The following SUSD1 variants were observed in gnomAD, a reference collection of about 807,000 sequenced individuals.
The protein encoded by SUSD1 is sushi domain-containing protein 1.
In SUSD1, 65 loss-of-function variants were observed where a neutral mutation model predicts 86.9. The ratio of observed to expected loss-of-function variants is 0.75; its 90% confidence interval spans 0.61 to 0.92. The LOEUF (loss-of-function observed/expected upper bound fraction) is 0.92, where lower values mean the gene tolerates loss of function less well. SUSD1 is among the 40% of genes least tolerant of loss of function. The pLI, the probability that SUSD1 is intolerant of heterozygous loss-of-function variation, is 0.00. For missense variants in SUSD1, 850 were observed against 929.7 expected, an observed-to-expected ratio of 0.91 and a Z score of 1.11; for synonymous variants, 346 against 350.0, an observed-to-expected ratio of 0.99 and a Z score of 0.13.
intron 1 of SUSD1, among the ~76,000 whole-genome samples, chr9:112,167,231 G>A (rs1833864312): frequency 6.6e-6 from 1 of 151,934 alleles, no homozygotes; most frequent in Non-Finnish European, 1.5e-5. Flanking sequence ...CAAGTAGCTG[G>A]GACCACAGGC....
intron 8 of SUSD1, among the ~76,000 whole-genome samples, chr9:112,104,309 C>T (rs972517994): frequency 5.3e-5 from 8 of 151,890 alleles, no homozygotes; most frequent in Non-Finnish European, 8.8e-5. Context: ...TGAACCACCA[C>T]GCCCCTAACC....
At chr9:112,138,237 G>GTATATATA (rs375674193) in intron 5 of SUSD1, among the ~76,000 whole-genome samples, 5 of 4,146 alleles carry the variant, frequency 1.2e-3, no homozygotes, top group South Asian at 0.01. Context: ...AAAAAAATGT[G>GTATATATA]TATATATATA....
chr9:112,062,709 A>G (rs1398501096), intron 13 of SUSD1, among the ~76,000 whole-genome samples: 1 of 152,136 alleles, frequency 6.6e-6, no homozygotes, highest in Non-Finnish European at 1.5e-5. Flanking sequence ...AAAATAAAAA[A>G]TAAAATTTAA....
intron 5 of SUSD1, among the ~76,000 whole-genome samples, chr9:112,137,263 GGGAGGAGGA>G (rs145497301): frequency 5.3e-5 from 8 of 151,630 alleles, no homozygotes; most frequent in African/African-American, 1.7e-4. Context: ...AGTGACACAG[GGGAGGAGGA>G]GGAGGAGGAG....
At position 112,113,104 on chromosome 9, in the gene SUSD1, AT is replaced by A. The variant is rs1466238002; in HGVS notation, c.887-237del. Among the ~76,000 whole-genome samples the A allele has an allele frequency of 6.6e-6, 1 of 152,166 alleles. No individual in the cohort carries two copies. Among genetic ancestry groups the A allele is most frequent in the Non-Finnish European group, 1.5e-5 (1 of 68,024 alleles). On this transcript the variant is annotated intron_variant, in intron 6 of 16. Transcript: ENST00000374270. This position sits in a 1 kb window ranked among gnomAD's most constrained non-coding sequence, Gnocchi z 4.1. Reference sequence around the variant, plus strand: ...AGGGAAAGGAAAGATTCCAGCTTGGATATAGGTCAGAATTCTAACCTGTGAT... The same window carrying A: ...AGGGAAAGGAAAGATTCCAGCTTGGAATAGGTCAGAATTCTAACCTGTGAT...
At chr9:112,109,465 C>A (rs765810833) in intron 8 of SUSD1, among the ~76,000 whole-genome samples, 1 of 152,152 alleles carries the variant, frequency 6.6e-6, no homozygotes, top group African/African-American at 2.4e-5. Context: ...TGGAAACATA[C>A]CTTGCTCCCA....
At chr9:112,159,714 A>T in intron 1 of SUSD1, among the ~76,000 whole-genome samples, 1 of 152,190 alleles carries the variant, frequency 6.6e-6, no homozygotes, top group East Asian at 1.9e-4. Context: ...AGGTATAAAA[A>T]CATATTTACT....
At position 112,161,715 on chromosome 9, in the gene SUSD1, A is replaced by G. The variant is rs1481994660; in HGVS notation, c.104-4102T>C. On this transcript the variant is annotated intron_variant, in intron 1 of 16. Coordinates refer to ENST00000374270, the MANE Select transcript of SUSD1 (RefSeq NM_022486.5). Reference sequence around the variant, plus strand: ...TATGCGCCTGTAATCCTAACTACTCAGGAGGCTGAAGCAGGAGAATCGCTT... The same window carrying G: ...TATGCGCCTGTAATCCTAACTACTCGGGAGGCTGAAGCAGGAGAATCGCTT... Among the ~76,000 whole-genome samples, 3 of 151,530 alleles carry G rather than the reference A, an allele frequency of 2.0e-5. 1 individual carries two copies. The highest frequency in any genetic ancestry group is 1.3e-4 in the Admixed American group (2 of 15,144).
rs2281789 is a variant in SUSD1, at chr9:112,041,053, G to C, written c.*439C>G. ...AGCCCAAACTTAAGCCCATCTCACT[G>C]CATATTGTAAAGAATGGATTCTGAA... is the stretch of plus-strand genomic sequence containing the variant. On this transcript the variant is annotated 3_prime_UTR_variant, in exon 17 of 17. Coordinates refer to ENST00000374270, the MANE Select transcript of SUSD1 (RefSeq NM_022486.5). 16,751 of 213,632 alleles carry C rather than the reference G, an allele frequency of 0.078. 797 individuals are homozygous for C. Among genetic ancestry groups the C allele is most frequent in the East Asian group, 0.12 (1,169 of 9,606 alleles). 13.2% of individuals were successfully genotyped at this position (213,632 alleles called of 1,614,324 possible). A position where few individuals can be genotyped will look rare whatever the true frequency, so the allele number is the denominator to read the frequency against.
intron 6 of SUSD1, among the ~76,000 whole-genome samples, chr9:112,122,941 G>C (rs1176837326): frequency 6.6e-6 from 1 of 152,218 alleles, no homozygotes; most frequent in African/African-American, 2.4e-5. Context: ...GAAGGGTGAG[G>C]TTCCAGGGGC....
intron 14 of SUSD1, among the ~76,000 whole-genome samples, chr9:112,056,694 T>C (rs565864758): frequency 2.0e-5 from 3 of 151,066 alleles, no homozygotes; most frequent in Admixed American, 1.3e-4. Flanking sequence ...GAAAGTTTCC[T>C]ATGAACCAGA....
chr9:112,101,795 G>A (rs1292399227), intron 9 of SUSD1, among the ~76,000 whole-genome samples: 6 of 152,094 alleles, frequency 3.9e-5, no homozygotes, highest in Admixed American at 2.0e-4. Flanking sequence ...GCAGTGAGCC[G>A]AGATCATGCC....
In SUSD1 at chr9:112,165,941, A is replaced by AGAAGAAAGAAAGAAAG. The variant is rs1554777819; in HGVS notation, c.104-8344_104-8329dup. ...AGAAAGAAAAGAAAGAAAGAAAGAAAGAAGAAAGAAAGAAAGAAAGAAAGA... is the reference window on the plus strand; with the variant it reads ...AGAAAGAAAAGAAAGAAAGAAAGAAAGAAGAAAGAAAGAAAGGAAGAAAGAAAGAAAGAAAGAAAGA... On this transcript the variant is annotated intron_variant, in intron 1 of 16. Coordinates refer to ENST00000374270, the MANE Select transcript of SUSD1 (RefSeq NM_022486.5). 6.1e-3 allele frequency among the ~76,000 whole-genome samples: 466 copies of AGAAGAAAGAAAGAAAG among 75,938 alleles called. 15 individuals carry two copies. The highest frequency in any genetic ancestry group is 0.022 in the African/African-American group (441 of 20,344). 49.8% of individuals were successfully genotyped at this position (75,938 alleles called of 152,430 possible).
At chr9:112,069,938 C>A (rs1444681523) in intron 12 of SUSD1, among the ~76,000 whole-genome samples, 2 of 152,100 alleles carry the variant, frequency 1.3e-5, no homozygotes, top group African/African-American at 4.8e-5. Flanking sequence ...GACTTTGAGA[C>A]CATTTTCTGC....
At chr9:112,137,939 T>C (rs1055264099) in intron 5 of SUSD1, 3 of 151,664 alleles carry the variant, frequency 2.0e-5, no homozygotes, top group Non-Finnish European at 4.4e-5. Context: ...AATATAAAAA[T>C]TGGCTGGGTG....
At chr9:112,147,930 T>C (rs540498305) in intron 3 of SUSD1, among the ~76,000 whole-genome samples, 36 of 152,330 alleles carry the variant, frequency 2.4e-4, no homozygotes, top group Non-Finnish European at 5.0e-4. Context: ...AGTAATTTGC[T>C]ACCTAGAACA....
chr9:112,098,479 G>A lies in SUSD1; in HGVS notation c.1465C>T (p.Pro489Ser). 6.2e-7 allele frequency: 1 copy of A among 1,614,032 alleles called. No homozygotes were observed. The highest frequency in any genetic ancestry group is 8.5e-7 in the Non-Finnish European group (1 of 1,179,914). Residue 489 changes from proline to serine, a missense_variant, in exon 10 of 17, where the codon CCC becomes TCC. Physicochemically the swap from Pro to Ser is moderately conservative, Grantham distance 74 (BLOSUM62 -1). Transcript: ENST00000374270. ...RHSVQITIAT[P>S]PAVKQTISNI... Reference sequence around the variant, plus strand: ...AGACGTCTACACCCACCTGCTGGGGGAGTTGCTATTGTTATTTGCACTGAG... The same window carrying A: ...AGACGTCTACACCCACCTGCTGGGGAAGTTGCTATTGTTATTTGCACTGAG...
At chr9:112,092,682 G>GTC (rs1830250628) in intron 10 of SUSD1, among the ~76,000 whole-genome samples, 1 of 152,052 alleles carries the variant, frequency 6.6e-6, no homozygotes, top group Non-Finnish European at 1.5e-5. Flanking sequence ...GTCACTTAAA[G>GTC]TCTTTCCTAG....
In SUSD1 at chr9:112,154,322, CCACA is replaced by C. The variant is rs746294726; in HGVS notation, c.217+3174_217+3177del. ...TGGGCCACATGGCAAAACCCCACCT[CCACA>C]CACACACACAAAAAAAAAAAAAAAA... On this transcript the variant is annotated intron_variant, in intron 2 of 16. Coordinates refer to ENST00000374270, the MANE Select transcript of SUSD1 (RefSeq NM_022486.5). 1.6e-3 allele frequency among the ~76,000 whole-genome samples: 218 copies of C among 140,484 alleles called. 5 individuals carry two copies. The highest frequency in any genetic ancestry group is 7.3e-3 in the Middle Eastern group (2 of 274). The allele number at this position is 140,484 out of a possible 152,430, so 92.2% of individuals were successfully genotyped here.
Sources: gnomAD v4.1 joint callset for allele counts (sites outside exome capture counted in the v4.1 genomes callset) on GRCh38, gnomAD v4.1.1 for gene constraint, Gnocchi (gnomAD v3.1) non-coding constraint, MANE v1.5 for transcripts, NCBI Gene and HGNC (gene_info 2026-07-23, HGNC 2026-07-21) for gene names.